Variants in ZNF394 observed in about 807,000 individuals in gnomAD.
ZNF394 encodes zinc finger protein 394, also known as zinc finger protein 99.
A neutral mutation model predicts 21.8 loss-of-function variants in ZNF394; 19 were observed. The ratio of observed to expected loss-of-function variants is 0.87; its 90% confidence interval spans 0.61 to 1.28. The LOEUF is 1.28. ZNF394 is among the 50% of genes most tolerant of loss of function. The pLI is 0.00. For synonymous variants in ZNF394, 294 were observed against 273.3 expected (o/e 1.08, Z -0.75); for missense variants, 683 against 708.6 (o/e 0.96, Z 0.41).
intron 1 of ZNF394, chr7:99,487,380 T>TC: frequency 6.2e-7 from 1 of 1,614,246 alleles, no homozygotes. Context: ...ATCAGGTCAT[T>TC]CACACTGGAA....
At position 99,497,480 on chromosome 7, in the gene ZNF394, TATA is replaced by T. The variant is rs201393426; in HGVS notation, c.583+1233_583+1235del. On this transcript the variant is annotated intron_variant, in intron 2 of 2. Transcript: ENST00000337673. ...CAGGCGTGAGCCACCGTGCCTGGCC[TATA>T]ATGTTTTTCCTTATATGTACATCCC... 5.4e-3 allele frequency among the ~76,000 whole-genome samples: 816 copies of T among 151,754 alleles called. 5 individuals are homozygous for T. Among genetic ancestry groups the T allele is most frequent in the African/African-American group, 0.018 (745 of 41,400 alleles).
At chr7:99,486,945 G>A (rs878925905) in exon 2 of ZNF394, 15 of 1,613,980 alleles carry the variant, frequency 9.3e-6, no homozygotes, top group Middle Eastern at 1.6e-4. Context: ...CAGCTCTTAC[G>A]GTCCATAAAC....
chr7:99,493,711 A>G lies in ZNF394; in HGVS notation c.1504T>C (p.Cys502Arg). The change falls in exon 3 of 3, where the codon TGT (cysteine) becomes CGT (arginine). Residue 502 changes from cysteine (C) to arginine (R), a missense_variant. This residue lies in a region of ZNF394 where 274 missense variants were observed against 314.1 expected (regional missense o/e 0.87). Coordinates refer to ENST00000337673, the MANE Select transcript of ZNF394 (RefSeq NM_032164.4). Reference sequence around the variant, plus strand: ...GCACTCTGATTGAAGCGTTTCCCACAGACGGAACATCCATAGGGCTTCTCC... The same window carrying G: ...GCACTCTGATTGAAGCGTTTCCCACGGACGGAACATCCATAGGGCTTCTCC... ...TGEKPYGCSV[C>R]GKRFNQSATL... The G allele has an allele frequency of 6.2e-7, 1 of 1,614,228 alleles. No individual in the cohort carries two copies. Among genetic ancestry groups the G allele is most frequent in the Non-Finnish European group, 8.5e-7 (1 of 1,180,046 alleles).
At chr7:99,492,740 G>A (rs1375459300), downstream of ZNF394, among the ~76,000 whole-genome samples, 1 of 150,488 alleles carries the variant, frequency 6.6e-6, no homozygotes, top group East Asian at 1.9e-4. Context: ...AGGATTCCTT[G>A]AGCCCAGGAG....
At chr7:99,494,992 CTATT>C (rs1451290229) in intron 2 of ZNF394, among the ~76,000 whole-genome samples, 2 of 151,902 alleles carry the variant, frequency 1.3e-5, no homozygotes, top group Admixed American at 6.6e-5. Context: ...CTCAGCCTCC[CTATT>C]TATTTATTTT....
chr7:99,486,599 A>T (rs369068130), exon 2 of ZNF394: 1 of 1,614,240 alleles, frequency 6.2e-7, no homozygotes, highest in Non-Finnish European at 8.5e-7. Context: ...GAAAAGTTAC[A>T]TAAGTGTAAA....
chr7:99,493,778 T>C lies in ZNF394; in HGVS notation c.1437A>G (p.Lys479=), dbSNP rs574670480. ...GGTGTTTAAAGAGGTCAGAGCGCTG[T>C]TTGAAGCTCTTCTCGCATTCTTCAC... is the stretch of plus-strand genomic sequence containing the variant. ...YKCEECEKSF[K]QRSDLFKHHR... is the part of the protein sequence containing the mutation. Residue 479 remains lysine (K), a synonymous_variant, in exon 3 of 3, where the codon AAA becomes AAG. Coordinates refer to ENST00000337673, the MANE Select transcript of ZNF394 (RefSeq NM_032164.4). 9.9e-6 allele frequency: 16 copies of C among 1,614,204 alleles called. No homozygotes were observed. The South Asian group carries it at 1.2e-4, about 12-fold the overall frequency.
intron 1 of ZNF394, among the ~76,000 whole-genome samples, chr7:99,487,936 G>A (rs1329840295): frequency 1.3e-5 from 2 of 152,112 alleles, no homozygotes; most frequent in African/African-American, 4.8e-5. Flanking sequence ...GCCGGGTGTG[G>A]TGGCAGGCGC....
chr7:99,490,919 C>G (rs550733678), downstream of ZNF394, among the ~76,000 whole-genome samples: 14 of 152,116 alleles, frequency 9.2e-5, no homozygotes, highest in African/African-American at 3.4e-4. Flanking sequence ...CAAACAGTTC[C>G]TAGAGGAAGA....
intron 1 of ZNF394, chr7:99,487,299 T>C (rs2151076046): frequency 1.2e-6 from 2 of 1,614,156 alleles, no homozygotes; most frequent in Non-Finnish European, 1.7e-6. Context: ...AAAGAATCCA[T>C]ACAAAGGAGG....
At chr7:99,490,804 AGC>A (rs1297216107), downstream of ZNF394, among the ~76,000 whole-genome samples, 1 of 152,048 alleles carries the variant, frequency 6.6e-6, no homozygotes, top group Non-Finnish European at 1.5e-5. Context: ...AGAGAGACTC[AGC>A]CATAGAAAAT....
At chr7:99,496,972 C>T (rs1416441983) in intron 2 of ZNF394, among the ~76,000 whole-genome samples, 1 of 150,962 alleles carries the variant, frequency 6.6e-6, no homozygotes, top group Non-Finnish European at 1.5e-5. Flanking sequence ...GATGAACATA[C>T]AGTTGTTCCC....
Position 99,499,700 on chromosome 7 carries a change from C to A in ZNF394, c.394G>T (p.Gly132Trp). Residue 132 changes from glycine (G) to tryptophan (W), a missense_variant, in exon 1 of 3, where the codon GGG (glycine) becomes TGG (tryptophan). Gly to Trp is a radical substitution (Grantham distance 184). Transcript: ENST00000337673. The part of the protein sequence containing the change: ...AWVREHCPES[G>W]EEAVAVVRAL... ...CGCACCACGGCCACCGCCTCCTCCC[C>A]GCTCTCTGGGCAGTGCTCTCGCACC... 1 of 1,613,046 alleles carries A rather than the reference C, an allele frequency of 6.2e-7. No individual in the cohort carries two copies. Among genetic ancestry groups the A allele is most frequent in the Non-Finnish European group, 8.5e-7 (1 of 1,179,888 alleles).
rs754566877 is a variant in ZNF394 at position 99,493,736 on chromosome 7, C to T, written c.1479G>A (p.Gly493=). The change falls in exon 3 of 3, where the codon GGG becomes GGA. Residue 493 remains glycine, a synonymous_variant. Coordinates refer to ENST00000337673, the MANE Select transcript of ZNF394 (RefSeq NM_032164.4). The part of the protein sequence containing the change: ...DLFKHHRIHT[G]EKPYGCSVCG... ...AGACGGAACATCCATAGGGCTTCTC[C>T]CCAGTGTGGATTCTGTGGTGTTTAA... 1.2e-6 allele frequency: 2 copies of T among 1,614,124 alleles called. No individual in the cohort carries two copies. Among genetic ancestry groups the T allele is most frequent in the Non-Finnish European group, 1.7e-6 (2 of 1,180,020 alleles).
At position 99,494,276 on chromosome 7, in the gene ZNF394, G is replaced by A. The variant is rs927094666; in HGVS notation, c.939C>T (p.His313=). 4.3e-6 allele frequency: 7 copies of A among 1,614,090 alleles called. No individual in the cohort carries two copies. Among genetic ancestry groups the A allele is most frequent in the South Asian group, 2.2e-5 (2 of 91,090 alleles). The change falls in exon 3 of 3, where the codon CAC becomes CAT. Residue 313 remains histidine, a synonymous_variant. Coordinates refer to ENST00000337673, the MANE Select transcript of ZNF394 (RefSeq NM_032164.4). ...KAERPTDSEE[H]GNKCKQSFHM... ...GGAAACTTTGCTTGCACTTGTTCCCGTGTTCCTCACTGTCAGTGGGCCTCT... is the reference window on the plus strand; with the variant it reads ...GGAAACTTTGCTTGCACTTGTTCCCATGTTCCTCACTGTCAGTGGGCCTCT...
In ZNF394 at chr7:99,499,956, G is replaced by C. The variant is rs142631169; in HGVS notation, c.138C>G (p.Pro46=). Residue 46 remains proline (P), a synonymous_variant, in exon 1 of 3, where the codon CCC becomes CCG. Coordinates refer to ENST00000337673, the MANE Select transcript of ZNF394 (RefSeq NM_032164.4). ...LLPVKVEEDS[P]GSWEPNYPAA... Reference sequence around the variant, plus strand: ...CGGGATAGTTGGGCTCCCAACTTCCGGGTGAGTCTTCCTCCACTTTCACGG... The same window carrying C: ...CGGGATAGTTGGGCTCCCAACTTCCCGGTGAGTCTTCCTCCACTTTCACGG... The C allele has an allele frequency of 6.2e-7, 1 of 1,613,854 alleles. No individual in the cohort carries two copies. Among genetic ancestry groups the C allele is most frequent in the South Asian group, 1.1e-5 (1 of 91,080 alleles).
At chr7:99,494,700 A>G (rs1357452008) in intron 2 of ZNF394, 69 bp from the exon 3 acceptor site, 3 of 1,504,308 alleles carry the variant, frequency 2.0e-6, no homozygotes, top group Non-Finnish European at 2.7e-6. Context: ...AAGTGCTGGC[A>G]GAATGTTAAA....
downstream of ZNF394, among the ~76,000 whole-genome samples, chr7:99,490,984 C>T (rs1024046614): frequency 1.3e-5 from 2 of 152,042 alleles, no homozygotes; most frequent in Admixed American, 6.6e-5. Context: ...GGGGCTCTGC[C>T]CTGTGTTTGT....
intron 1 of ZNF394, among the ~76,000 whole-genome samples, chr7:99,487,882 C>CT (rs1800057711): frequency 6.6e-6 from 1 of 151,750 alleles, no homozygotes; most frequent in South Asian, 2.1e-4. Context: ...ACCATCCTGG[C>CT]TAACACAGTG....
Sources: gnomAD v4.1 joint callset for allele counts (sites outside exome capture counted in the v4.1 genomes callset) on GRCh38, gnomAD v4.1.1 for gene constraint, gnomAD v4.1.1 regional missense constraint, MANE v1.5 for transcripts, NCBI Gene and HGNC (gene_info 2026-07-23, HGNC 2026-07-21) for gene names.